The following MTFR1 variants were observed in gnomAD, a reference collection of about 807,000 sequenced individuals.
MTFR1 encodes the protein mitochondrial fission regulator 1.
A neutral mutation model predicts 38.8 loss-of-function variants in MTFR1; 28 were observed. That is an observed-to-expected ratio of 0.72 (90% CI 0.53 to 0.99). MTFR1 has a LOEUF of 0.99. Among genes scored for constraint, MTFR1 ranks in the 50% least tolerant of loss-of-function variants. The pLI, the probability that MTFR1 is intolerant of heterozygous loss-of-function variation, is 0.00. For synonymous variants in MTFR1, 145 were observed against 137.0 expected (o/e 1.06, Z -0.41); for missense variants, 358 against 395.5 (o/e 0.91, Z 0.81).
At chr8:65,647,300 AT>A (rs1171394532) in intron 1 of MTFR1, among the ~76,000 whole-genome samples, 2 of 151,852 alleles carry the variant, frequency 1.3e-5, no homozygotes, top group Admixed American at 6.6e-5. Flanking sequence ...ATATAGTAGG[AT>A]TTTTTTTGTT....
intron 1 of MTFR1, among the ~76,000 whole-genome samples, chr8:65,662,020 CCTCTCTCTCTCCCTCT>C (rs1563435640): frequency 7.3e-6 from 1 of 136,990 alleles, no homozygotes; most frequent in African/African-American, 2.7e-5. Context: ...TCTCTCTCTC[CCTCTCTCTCTCCCTCT>C]CTCTCCCTCT....
intron 1 of MTFR1, among the ~76,000 whole-genome samples, chr8:65,664,606 C>G (rs1585753701): frequency 6.8e-6 from 1 of 146,014 alleles, no homozygotes. Context: ...ATAGGTTTTC[C>G]TTTGTTTTTT....
intron 3 of MTFR1, chr8:65,765,479 A>C (rs1328882842): frequency 9.8e-6 from 1 of 101,840 alleles, no homozygotes; most frequent in East Asian, 3.2e-4. Flanking sequence ...ACAGAGCGAG[A>C]CTCCGTCTCA....
At chr8:65,682,927 C>CA (rs1207910629) in intron 3 of MTFR1, 1 of 984,936 alleles carries the variant, frequency 1.0e-6, no homozygotes, top group East Asian at 1.1e-4. Flanking sequence ...TTGGCAATGA[C>CA]AGTGTCAAGA....
chr8:65,757,776 G>A (rs370061236), intron 3 of MTFR1, among the ~76,000 whole-genome samples: 2 of 151,992 alleles, frequency 1.3e-5, no homozygotes, highest in East Asian at 1.9e-4. Context: ...GTGCCACCAC[G>A]CCCGGCTAAC....
At chr8:65,719,194 A>T (rs1806271480) in intron 2 of MTFR1, 1 of 785,020 alleles carries the variant, frequency 1.3e-6, no homozygotes, top group Admixed American at 2.0e-5. Flanking sequence ...TCACTTGGAA[A>T]CCTTGGCAGT....
intron 1 of MTFR1, among the ~76,000 whole-genome samples, chr8:65,651,831 TATTTTGATAGAC>T (rs1809131296): frequency 6.6e-6 from 1 of 152,210 alleles, no homozygotes; most frequent in South Asian, 2.1e-4. Flanking sequence ...ATGTCATTGA[TATTTTGATAGAC>T]ATTTTGATAG....
At chr8:65,746,709 C>G (rs924899570) in intron 3 of MTFR1, among the ~76,000 whole-genome samples, 2 of 152,078 alleles carry the variant, frequency 1.3e-5, no homozygotes, top group African/African-American at 4.8e-5. Flanking sequence ...TATAACAGTA[C>G]TAATAACAAC....
chr8:65,647,551 C>T (rs1473135980), intron 1 of MTFR1, among the ~76,000 whole-genome samples: 3 of 152,040 alleles, frequency 2.0e-5, no homozygotes, highest in Non-Finnish European at 4.4e-5. Flanking sequence ...CTCAGTTGAT[C>T]CAACTGCCTC....
At chr8:65,660,420 T>G (rs1809380329) in intron 1 of MTFR1, among the ~76,000 whole-genome samples, 1 of 151,408 alleles carries the variant, frequency 6.6e-6, no homozygotes, top group South Asian at 2.1e-4. Flanking sequence ...TTTGTGAGGG[T>G]GTTTCTGGAA....
At chr8:65,705,203 A>T (rs1339958825) in intron 5 of MTFR1, among the ~76,000 whole-genome samples, 1 of 152,198 alleles carries the variant, frequency 6.6e-6, no homozygotes, top group Non-Finnish European at 1.5e-5. Flanking sequence ...ATGTGCCTGT[A>T]GTCCCAGCTT....
chr8:65,760,354 G>A (rs926209561), intron 3 of MTFR1, among the ~76,000 whole-genome samples: 7 of 152,138 alleles, frequency 4.6e-5, no homozygotes, highest in African/African-American at 1.7e-4. Flanking sequence ...TAATATTTTT[G>A]CTATAAAACT....
At chr8:65,774,253 G>T (rs1206946537), downstream of MTFR1, among the ~76,000 whole-genome samples, 1 of 152,122 alleles carries the variant, frequency 6.6e-6, no homozygotes, top group African/African-American at 2.4e-5. Context: ...CTTTCGTGCT[G>T]TTGGAAATCC....
At chr8:65,692,914 G>A (rs1317025306) in intron 3 of MTFR1, among the ~76,000 whole-genome samples, 9 of 129,818 alleles carry the variant, frequency 6.9e-5, no homozygotes, top group African/African-American at 1.8e-4. Flanking sequence ...TTTTACCCCC[G>A]AGACAGAGTC....
intron 3 of MTFR1, among the ~76,000 whole-genome samples, chr8:65,769,764 T>C (rs953976164): frequency 6.6e-6 from 1 of 152,066 alleles, no homozygotes; most frequent in Non-Finnish European, 1.5e-5. Flanking sequence ...GGCATGGTAG[T>C]GATTGCCCGT....
At chr8:65,697,047 C>T (rs1393313305) in intron 4 of MTFR1, among the ~76,000 whole-genome samples, 6 of 140,650 alleles carry the variant, frequency 4.3e-5, no homozygotes, top group Non-Finnish European at 6.0e-5. Flanking sequence ...TGCAGTAGTG[C>T]GATCTCAGCT....
chr8:65,759,630 G>T (rs575739449), intron 3 of MTFR1, among the ~76,000 whole-genome samples: 23 of 152,214 alleles, frequency 1.5e-4, no homozygotes, highest in African/African-American at 5.5e-4. Context: ...TTTTCTACTT[G>T]GGTAGTTGTT....
At chr8:65,698,019 A>G (rs1805494085) in intron 4 of MTFR1, among the ~76,000 whole-genome samples, 1 of 151,712 alleles carries the variant, frequency 6.6e-6, no homozygotes, top group African/African-American at 2.4e-5. Context: ...AGTCTAATTT[A>G]TGTATTTTTT....
At chr8:65,747,727 A>T (rs762985722) in intron 3 of MTFR1, 3 of 1,610,656 alleles carry the variant, frequency 1.9e-6, no homozygotes, top group Non-Finnish European at 1.7e-6. Context: ...AAAAGCGTGA[A>T]GATCTAAGAT....
Sources: allele counts gnomAD v4.1 joint callset (sites outside exome capture counted in the v4.1 genomes callset), GRCh38; gene constraint gnomAD v4.1.1; transcripts MANE v1.5; gene names NCBI Gene and HGNC (gene_info 2026-07-23, HGNC 2026-07-21).